GMPR2: variants seen among roughly 807,000 people sequenced by gnomAD.
GMPR2 encodes guanosine monophosphate reductase 2.
GMPR2 carries 32 observed loss-of-function variants against 38.5 expected under a neutral mutation model. The ratio of observed to expected loss-of-function variants is 0.83; its 90% confidence interval spans 0.63 to 1.12. GMPR2 has a LOEUF of 1.12. GMPR2 is among the 50% of genes most tolerant of loss of function. The probability of loss-of-function intolerance (pLI) is 0.00; values close to 1 mark genes in which losing one functional copy is unlikely to be tolerated. For synonymous variants in GMPR2, 154 were observed against 151.0 expected (o/e 1.02, Z -0.15); for missense variants, 396 against 432.1 (o/e 0.92, Z 0.74).
At chr14:24,236,263 T>A (rs1158371118) in intron 5 of GMPR2, 123 bp downstream of exon 5, 1 of 747,824 alleles carries the variant, frequency 1.3e-6, no homozygotes, top group African/African-American at 1.7e-5. Context: ...ATCATGATAC[T>A]GGATGATTAT....
chr14:24,233,835 A>T, intron 3 of GMPR2: 1 of 610,998 alleles, frequency 1.6e-6, no homozygotes, highest in Non-Finnish European at 2.9e-6. Context: ...TATGAACAGA[A>T]TTTTCCCTTT....
At chr14:24,236,225 C>A in intron 5 of GMPR2, 85 bp downstream of exon 5, 1 of 929,890 alleles carries the variant, frequency 1.1e-6, no homozygotes, top group Non-Finnish European at 1.7e-6. Context: ...TTCTCCTCTG[C>A]TGCATTATGA....
In GMPR2 at chr14:24,236,944, G is replaced by C. The variant is rs924729654; in HGVS notation, c.466-127G>C. On this transcript the variant is annotated intron_variant, in intron 5 of 9. Coordinates refer to ENST00000399440, the MANE Select transcript of GMPR2 (RefSeq NM_001002002.3). ...AGTGTAAAAGCCCTCAGAGGGCCCA[G>C]TAGAGGGGACCTAGTTATCCTTTCT... The C allele has an allele frequency of 4.0e-6, 3 of 753,334 alleles. No individual in the cohort carries two copies. The African/African-American group carries it at 5.2e-5, about 13-fold the overall frequency. 46.7% of individuals were successfully genotyped at this position (753,334 alleles called of 1,614,324 possible).
chr14:24,235,180 A>G (rs2040278844), intron 3 of GMPR2, among the ~76,000 whole-genome samples: 1 of 152,242 alleles, frequency 6.6e-6, no homozygotes, highest in Admixed American at 6.5e-5. Flanking sequence ...CATGTCCCCA[A>G]CTAGGAAATT....
chr14:24,236,995 T>C, intron 5 of GMPR2, 76 bp from the exon 6 acceptor site: 4 of 1,072,100 alleles, frequency 3.7e-6, no homozygotes, highest in Non-Finnish European at 5.7e-6. Context: ...AAAGTCATGG[T>C]CCATGCATAC....
chr14:24,236,840 G>C (rs1035856986), intron 5 of GMPR2: 42 of 485,568 alleles, frequency 8.6e-5, no homozygotes, highest in African/African-American at 7.7e-4. Flanking sequence ...CCTAGGTTCA[G>C]TGGTGACATT....
In GMPR2 at chr14:24,239,053, G is replaced by T; in HGVS notation, c.*275G>T. The T allele has an allele frequency of 1.8e-6, 1 of 547,130 alleles. No homozygotes were observed. Among genetic ancestry groups the T allele is most frequent in the Non-Finnish European group, 3.5e-6 (1 of 286,756 alleles). 33.9% of individuals were successfully genotyped at this position (547,130 alleles called of 1,614,324 possible). ...TGGGGACCCAACACAACATCCTGAA[G>T]ATTATTAAAAGGAAAAGATGCTGAT... On this transcript the variant is annotated 3_prime_UTR_variant, in exon 10 of 10. Transcript: ENST00000399440.
chr14:24,236,903 G>A, intron 5 of GMPR2, 168 bp from the exon 6 acceptor site: 1 of 589,320 alleles, frequency 1.7e-6, no homozygotes, highest in Non-Finnish European at 3.0e-6. Flanking sequence ...AGGGAGCAGG[G>A]TTCTCTAAAG....
Position 24,239,085 on chromosome 14 carries a change from A to G in GMPR2, c.*307A>G, listed in dbSNP as rs2040492582. On this transcript the variant is annotated 3_prime_UTR_variant, in exon 10 of 10. Coordinates refer to ENST00000399440, the MANE Select transcript of GMPR2 (RefSeq NM_001002002.3). ...AAAAGGAAAAGATGCTGATTGGTAC[A>G]TAAATCTTTTACATGGCCTTGGTCT... 2.0e-6 allele frequency: 1 copy of G among 495,596 alleles called. No homozygotes were observed. The highest frequency in any genetic ancestry group is 2.3e-5 in the Admixed American group (1 of 43,258). 30.7% of individuals were successfully genotyped at this position (495,596 alleles called of 1,614,324 possible).
chr14:24,234,920 A>G (rs1195548102), intron 3 of GMPR2, among the ~76,000 whole-genome samples: 1 of 152,228 alleles, frequency 6.6e-6, no homozygotes, highest in Non-Finnish European at 1.5e-5. Context: ...GCTAGCTAAT[A>G]CATGACTTCC....
At chr14:24,238,220 C>G (rs1320865401) in intron 8 of GMPR2, 26 bp from the exon 9 acceptor site, 2 of 1,591,264 alleles carry the variant, frequency 1.3e-6, no homozygotes, top group East Asian at 4.5e-5. Flanking sequence ...AGATTAATCT[C>G]TTTCCCCCCT....
chr14:24,234,480 TTC>T (rs1230773558), intron 3 of GMPR2, among the ~76,000 whole-genome samples: 1 of 152,266 alleles, frequency 6.6e-6, no homozygotes. Flanking sequence ...TTAGGAATCT[TTC>T]TGTTGCCCAC....
At chr14:24,233,434 T>C in intron 2 of GMPR2, 45 bp from the exon 3 acceptor site, 2 of 1,608,148 alleles carry the variant, frequency 1.2e-6, no homozygotes, top group Non-Finnish European at 1.7e-6. Context: ...ATATGGTACG[T>C]TTTTTGGATT....
At chr14:24,238,093 C>A in intron 8 of GMPR2, 153 bp from the exon 9 acceptor site, 1 of 663,894 alleles carries the variant, frequency 1.5e-6, no homozygotes, top group Non-Finnish European at 2.6e-6. Flanking sequence ...GCAGATCAGG[C>A]CTGCGTGGAT....
rs34354104 is a variant in GMPR2 at position 24,238,273 on chromosome 14, G to A, written c.725G>A (p.Gly242Asp). 0.041 allele frequency: 66,158 copies of A among 1,613,324 alleles called. 1,580 individuals carry two copies. The highest frequency in any genetic ancestry group is 0.048 in the Non-Finnish European group (56,768 of 1,179,546). Residue 242 changes from glycine to aspartate, a missense_variant, in exon 9 of 10, where the codon GGT becomes GAT. By Grantham distance (94) the Gly-to-Asp change is moderately conservative. Transcript: ENST00000399440. ...FGAGADFVML[G>D]GMLAGHSESG... Reference sequence around the variant, plus strand: ...GCAGGAGCTGACTTCGTGATGCTGGGTGGCATGCTGGCTGGGCACAGTGAG... The same window carrying A: ...GCAGGAGCTGACTTCGTGATGCTGGATGGCATGCTGGCTGGGCACAGTGAG...
In GMPR2 at chr14:24,237,076, G is replaced by C. The variant is rs2040378326; in HGVS notation, c.471G>C (p.Gly157=). 12 of 1,611,748 alleles carry C rather than the reference G, an allele frequency of 7.4e-6. No individual in the cohort carries two copies. In the East Asian group the frequency reaches 2.5e-4, roughly 33 times the overall value. Residue 157 remains glycine, a synonymous_variant, in exon 6 of 10, where the codon GGG becomes GGC. Coordinates refer to ENST00000399440, the MANE Select transcript of GMPR2 (RefSeq NM_001002002.3). Reference sequence around the variant, plus strand: ...TTTCAATTGCTCTGTCTCAGGCAGGGAATGTGGTAACAGGAGAGATGGTAG... The same window carrying C: ...TTTCAATTGCTCTGTCTCAGGCAGGCAATGTGGTAACAGGAGAGATGGTAG... ...KRFPQHTIMA[G]NVVTGEMVEE...
Position 24,237,318 on chromosome 14 carries a change from T to G in GMPR2, c.621T>G (p.Asp207Glu). 2 of 1,610,988 alleles carry G rather than the reference T, an allele frequency of 1.2e-6. No homozygotes were observed. The highest frequency in any genetic ancestry group is 2.2e-5 in the South Asian group (2 of 91,022). The change falls in exon 7 of 10, where the codon GAT (aspartate) becomes GAG (glutamate). Residue 207 changes from aspartate to glutamate, a missense_variant. By Grantham distance (45) the Asp-to-Glu change is conservative. Transcript: ENST00000399440. ...PQLSAVMECADAAHGLKGHII... is the reference protein window; with the variant it reads ...PQLSAVMECAEAAHGLKGHII... The stretch of plus-strand genomic sequence containing the variant: ...TCAGCGCAGTGATGGAGTGTGCAGA[T>G]GCTGCTCATGGCCTCAAAGGCCACA...
chr14:24,239,035 C>T lies in GMPR2; in HGVS notation c.*257C>T. 1.7e-6 allele frequency: 1 copy of T among 580,864 alleles called. No homozygotes were observed. The highest frequency in any genetic ancestry group is 3.2e-6 in the Non-Finnish European group (1 of 308,262). 36.0% of individuals were successfully genotyped at this position (580,864 alleles called of 1,614,324 possible). A position where few individuals can be genotyped will look rare whatever the true frequency, so the allele number is the denominator to read the frequency against. On this transcript the variant is annotated 3_prime_UTR_variant, in exon 10 of 10. Coordinates refer to ENST00000399440, the MANE Select transcript of GMPR2 (RefSeq NM_001002002.3). Reference sequence around the variant, plus strand: ...GAAAATCAAATGGGAATCTGGGGACCCAACACAACATCCTGAAGATTATTA... The same window carrying T: ...GAAAATCAAATGGGAATCTGGGGACTCAACACAACATCCTGAAGATTATTA...
intron 3 of GMPR2, chr14:24,234,009 T>C (rs771828171): frequency 3.0e-5 from 28 of 945,810 alleles, no homozygotes; most frequent in Non-Finnish European, 4.1e-5. Flanking sequence ...AACTAGAAGA[T>C]CCTAGGAGAA....
Sources: gnomAD v4.1 joint callset for allele counts (sites outside exome capture counted in the v4.1 genomes callset) on GRCh38, gnomAD v4.1.1 for gene constraint, MANE v1.5 for transcripts, NCBI Gene and HGNC (gene_info 2026-07-23, HGNC 2026-07-21) for gene names.